Variants in NCKAP5 observed in about 807,000 individuals in gnomAD.
NCKAP5 encodes NCK associated protein 5.
A neutral mutation model predicts 167.0 loss-of-function variants in NCKAP5; 92 were observed. The ratio of observed to expected loss-of-function variants is 0.55; its 90% CI spans 0.47 to 0.66. NCKAP5 has a LOEUF of 0.66. Among genes scored for constraint, NCKAP5 ranks in the 30% least tolerant of loss-of-function variants. The pLI, the probability that NCKAP5 is intolerant of heterozygous loss-of-function variation, is 0.00. For missense variants in NCKAP5, 2,378 were observed against 2,315.0 expected (o/e 1.03, Z -0.56); for synonymous variants, 891 against 877.4 (o/e 1.02, Z -0.27).
At chr2:133,145,655 A>C (rs1205098412) in intron 5 of NCKAP5, among the ~76,000 whole-genome samples, 2 of 152,122 alleles carry the variant, frequency 1.3e-5, no homozygotes, top group Non-Finnish European at 2.9e-5. Context: ...CCAACAACTT[A>C]ACTCTCCATA....
chr2:133,597,506 A>G, the NCKAP5 span, among the ~76,000 whole-genome samples: 1 of 151,888 alleles, frequency 6.6e-6, no homozygotes, highest in South Asian at 2.1e-4. Context: ...TGTCTCTACT[A>G]AAAACACAAA....
intron 3 of NCKAP5, among the ~76,000 whole-genome samples, chr2:133,479,842 T>C (rs923886907): frequency 2.6e-5 from 4 of 152,110 alleles, no homozygotes; most frequent in Admixed American, 2.6e-4. Context: ...TAGAAAAAGA[T>C]ATAAACTGGT....
intron 11 of NCKAP5, among the ~76,000 whole-genome samples, chr2:132,843,159 A>C (rs1162504530): frequency 6.6e-6 from 1 of 152,194 alleles, no homozygotes; most frequent in African/African-American, 2.4e-5. Flanking sequence ...ATATAAGTAC[A>C]ATGAATATAC....
intron 4 of NCKAP5, among the ~76,000 whole-genome samples, chr2:133,273,911 A>G (rs2089620633): frequency 6.6e-6 from 1 of 151,726 alleles, no homozygotes; most frequent in East Asian, 1.9e-4. Flanking sequence ...AAATAAATTA[A>G]AAAACATTTC....
intron 19 of NCKAP5, among the ~76,000 whole-genome samples, chr2:132,696,989 G>T (rs1048800665): frequency 1.5e-4 from 23 of 152,170 alleles, no homozygotes; most frequent in Non-Finnish European, 2.9e-5. Context: ...CCGGGCTCAA[G>T]CGATCCTCCC....
chr2:132,816,637 C>G (rs1030967086), intron 11 of NCKAP5, among the ~76,000 whole-genome samples: 1 of 152,168 alleles, frequency 6.6e-6, no homozygotes, highest in Non-Finnish European at 1.5e-5. Flanking sequence ...GCTCACCCAC[C>G]TGACATTTCT....
At chr2:133,362,748 TTTGTTGTTGTTG>T (rs80322357) in intron 3 of NCKAP5, among the ~76,000 whole-genome samples, 1 of 151,166 alleles carries the variant, frequency 6.6e-6, no homozygotes, top group African/African-American at 2.4e-5. Context: ...CATGTATTTC[TTTGTTGTTGTTG>T]TTGTTGTTGT....
chr2:133,013,299 T>C lies in NCKAP5; in HGVS notation c.342-19060A>G, dbSNP rs76742519. On this transcript the variant is annotated intron_variant, in intron 6 of 19. Coordinates refer to ENST00000409261, the MANE Select transcript of NCKAP5 (RefSeq NM_207363.3). ...TGACACTCACAGCAGCTCCACACAT[T>C]TTCCACCTTTGGTAGTGTATTAGTC... Among the ~76,000 whole-genome samples, 84 of 152,248 alleles carry C rather than the reference T, an allele frequency of 5.5e-4. No homozygotes were observed. The East Asian group carries it at 0.015, about 27-fold the overall frequency.
chr2:133,359,233 CT>C (rs1684934715), intron 3 of NCKAP5, among the ~76,000 whole-genome samples: 1 of 152,182 alleles, frequency 6.6e-6, no homozygotes, highest in African/African-American at 2.4e-5. Context: ...TCAGTCCTCT[CT>C]GAAGTGCAAA....
At chr2:132,868,824 A>T in intron 10 of NCKAP5, 112 bp downstream of exon 10, 1 of 660,754 alleles carries the variant, frequency 1.5e-6, no homozygotes. Flanking sequence ...TCACTAAGTG[A>T]ATAAATACAG....
intron 3 of NCKAP5, among the ~76,000 whole-genome samples, chr2:133,508,815 G>T (rs1281981610): frequency 2.0e-5 from 3 of 152,206 alleles, no homozygotes. Context: ...AGATCTTGGA[G>T]CCCTAAGAAC....
At chr2:132,866,465 C>CA (rs1040186655) in intron 10 of NCKAP5, among the ~76,000 whole-genome samples, 49 of 152,298 alleles carry the variant, frequency 3.2e-4, no homozygotes, top group African/African-American at 1.1e-3. Flanking sequence ...TAAAGGGGTA[C>CA]AGTCCATTCT....
At chr2:133,545,016 G>A (rs34330431) in intron 2 of NCKAP5, among the ~76,000 whole-genome samples, 41,773 of 151,912 alleles carry the variant, frequency 0.27, 6,273 homozygotes, top group East Asian at 0.38. Context: ...CCATAGTTTT[G>A]AAAGTCTGTT....
chr2:133,081,437 A>G (rs1418348339), intron 6 of NCKAP5, among the ~76,000 whole-genome samples: 1 of 152,174 alleles, frequency 6.6e-6, no homozygotes, highest in Non-Finnish European at 1.5e-5. Flanking sequence ...GCTTCCTAAC[A>G]ACACATTTTT....
intron 4 of NCKAP5, among the ~76,000 whole-genome samples, chr2:133,228,291 A>T (rs904849763): frequency 1.3e-5 from 2 of 152,116 alleles, no homozygotes; most frequent in African/African-American, 4.8e-5. Flanking sequence ...TATATTTCTT[A>T]ATTAATCCTT....
intron 2 of NCKAP5, among the ~76,000 whole-genome samples, chr2:133,552,732 A>G (rs1474026197): frequency 2.1e-5 from 3 of 143,034 alleles, no homozygotes; most frequent in African/African-American, 7.5e-5. Context: ...GTACCCTAAA[A>G]CTTAAAGTAT....
intron 8 of NCKAP5, among the ~76,000 whole-genome samples, chr2:132,879,667 G>A (rs915540693): frequency 6.6e-6 from 1 of 152,190 alleles, no homozygotes; most frequent in Non-Finnish European, 1.5e-5. Context: ...ATCTTCAACT[G>A]TGCCAGTGAA....
intron 11 of NCKAP5, among the ~76,000 whole-genome samples, chr2:132,822,873 C>T (rs2105328369): frequency 6.6e-6 from 1 of 152,210 alleles, no homozygotes; most frequent in African/African-American, 2.4e-5. Flanking sequence ...ATCACAACTT[C>T]TGGAAATGAA....
intron 2 of NCKAP5, among the ~76,000 whole-genome samples, chr2:133,538,949 T>A (rs1269336582): frequency 1.4e-5 from 2 of 139,368 alleles, no homozygotes; most frequent in Admixed American, 7.1e-5. Context: ...TTTTTTTTTT[T>A]TTTTTTTTTG....
Sources: allele counts gnomAD v4.1 joint callset (sites outside exome capture counted in the v4.1 genomes callset), GRCh38; gene constraint gnomAD v4.1.1; transcripts MANE v1.5; gene names NCBI Gene and HGNC (gene_info 2026-07-23, HGNC 2026-07-21).